ZNF606: variants seen among roughly 807,000 people sequenced by gnomAD.
The protein encoded by ZNF606 is zinc finger protein 328.
Under a neutral mutation model 74.9 loss-of-function variants are expected in ZNF606, and 37 were observed. The observed-to-expected ratio is 0.49, with a 90% confidence interval of 0.38 to 0.65. The LOEUF is 0.65. Among genes scored for constraint, ZNF606 ranks in the 30% least tolerant of loss-of-function variants. The probability of loss-of-function intolerance (pLI) is 0.00; values close to 1 mark genes in which losing one functional copy is unlikely to be tolerated. For missense variants in ZNF606, 852 were observed against 952.9 expected, an observed-to-expected ratio of 0.89 and a Z score of 1.39; for synonymous variants, 328 against 312.4, an observed-to-expected ratio of 1.05 and a Z score of -0.53.
chr19:57,986,322 T>C (rs1600218743), intron 6 of ZNF606, among the ~76,000 whole-genome samples: 1 of 151,928 alleles, frequency 6.6e-6, no homozygotes, highest in South Asian at 2.1e-4. Flanking sequence ...CGTGGTTGTG[T>C]GCACCTATAG....
rs9304808 is a variant in ZNF606 at position 58,002,815 on chromosome 19, T to C, written c.-471A>G. 0.13 allele frequency: 60,221 copies of C among 449,138 alleles called. 4,227 individuals are homozygous for C. Among genetic ancestry groups the C allele is most frequent in the African/African-American group, 0.17 (8,544 of 49,368 alleles). 27.8% of individuals were successfully genotyped at this position (449,138 alleles called of 1,614,324 possible). ...GACAATGGCGGCTGCTTCCCCGGCGTCGACCGGAGCGCGCCGCGGGGTCTG... is the reference window on the plus strand; with the variant it reads ...GACAATGGCGGCTGCTTCCCCGGCGCCGACCGGAGCGCGCCGCGGGGTCTG... On this transcript the variant is annotated 5_prime_UTR_variant, in exon 1 of 7. Transcript: ENST00000551380.
At chr19:57,985,887 T>A (rs1346208902) in intron 6 of ZNF606, among the ~76,000 whole-genome samples, 1 of 151,726 alleles carries the variant, frequency 6.6e-6, no homozygotes, top group Non-Finnish European at 1.5e-5. Context: ...TGAGCCAAGA[T>A]CGCGCCACTG....
At chr19:58,000,851 G>A in intron 2 of ZNF606, 112 bp from the exon 3 acceptor site, 1 of 1,008,058 alleles carries the variant, frequency 9.9e-7, no homozygotes, top group Non-Finnish European at 1.4e-6. Flanking sequence ...CATAAACAGA[G>A]CCCAAGGGTG....
intron 6 of ZNF606, among the ~76,000 whole-genome samples, chr19:57,980,552 A>G (rs1230109326): frequency 1.3e-5 from 2 of 152,190 alleles, no homozygotes; most frequent in East Asian, 3.8e-4. Context: ...TGTGCAAGAA[A>G]GAGGCCGGAC....
chr19:57,991,600 T>G (rs2073262431), intron 4 of ZNF606, among the ~76,000 whole-genome samples: 1 of 152,024 alleles, frequency 6.6e-6, no homozygotes, highest in South Asian at 2.1e-4. Context: ...GCCAAGATGA[T>G]GAAAACCCGT....
chr19:57,986,982 T>C (rs1428863675), intron 6 of ZNF606, among the ~76,000 whole-genome samples: 3 of 151,974 alleles, frequency 2.0e-5, no homozygotes, highest in South Asian at 4.2e-4. Context: ...CCCAGCTACC[T>C]AGGAGGCTGA....
At chr19:58,001,900 CA>C (rs1568586801) in intron 1 of ZNF606, among the ~76,000 whole-genome samples, 4 of 151,970 alleles carry the variant, frequency 2.6e-5, no homozygotes, top group African/African-American at 9.7e-5. Flanking sequence ...ATCCCACCTC[CA>C]AAAAAAATTC....
chr19:58,002,178 G>C (rs1408848652), intron 1 of ZNF606: 1 of 456,778 alleles, frequency 2.2e-6, no homozygotes, highest in South Asian at 1.5e-5. Flanking sequence ...GCATGTTTAA[G>C]GGAACCCGGA....
intron 4 of ZNF606, among the ~76,000 whole-genome samples, chr19:57,992,084 T>C (rs1476349041): frequency 6.6e-6 from 1 of 151,996 alleles, no homozygotes; most frequent in Non-Finnish European, 1.5e-5. Flanking sequence ...AAGACCCCAA[T>C]GGAATCATTA....
chr19:57,999,528 A>T, intron 4 of ZNF606: 1 of 504,586 alleles, frequency 2.0e-6, no homozygotes. Context: ...GAAGGTGGCA[A>T]TAGAGAAGTG....
At position 58,002,712 on chromosome 19, in the gene ZNF606, C is replaced by T. The variant is rs1206799087; in HGVS notation, c.-368G>A. On this transcript the variant is annotated 5_prime_UTR_variant, in exon 1 of 7. Transcript: ENST00000551380. ...GGACCCACCCTGACGCCGCCTCTCC[C>T]AGCCGGCTCTCCTGACCCCCCAAGC... 1 of 451,058 alleles carries T rather than the reference C, an allele frequency of 2.2e-6. No homozygotes were observed. The highest frequency in any genetic ancestry group is 4.4e-6 in the Non-Finnish European group (1 of 225,098). 27.9% of individuals were successfully genotyped at this position (451,058 alleles called of 1,614,324 possible).
intron 4 of ZNF606, among the ~76,000 whole-genome samples, chr19:57,989,749 G>A (rs532820557): frequency 6.6e-6 from 1 of 151,402 alleles, no homozygotes; most frequent in Non-Finnish European, 1.5e-5. Context: ...ACCCAGCTTC[G>A]AGTCCTTTTA....
chr19:58,000,179 T>A, intron 3 of ZNF606: 1 of 491,192 alleles, frequency 2.0e-6, no homozygotes, highest in Non-Finnish European at 3.6e-6. Flanking sequence ...CACACATGAA[T>A]TCTCATGCAT....
intron 4 of ZNF606, among the ~76,000 whole-genome samples, chr19:57,991,263 A>G (rs2073254880): frequency 6.6e-6 from 1 of 152,100 alleles, no homozygotes. Flanking sequence ...TCTTATTTTT[A>G]CCAAGCTCTC....
rs981468487 is a variant in ZNF606 at position 57,977,587 on chromosome 19, G to A, written c.*714C>T. 10 of 152,178 alleles carry A rather than the reference G, an allele frequency of 6.6e-5. No homozygotes were observed. Among genetic ancestry groups the A allele is most frequent in the African/African-American group, 2.4e-4 (10 of 41,442 alleles). The allele number at this position is 152,178 out of a possible 1,614,324, so 9.4% of individuals were successfully genotyped here. A position where few individuals can be genotyped will look rare whatever the true frequency, so the allele number is the denominator to read the frequency against. Reference sequence around the variant, plus strand: ...GCCTAAAACAAATTACAAACTAATTGCCCAACAATGCAGTGATGAGTAACA... The same window carrying A: ...GCCTAAAACAAATTACAAACTAATTACCCAACAATGCAGTGATGAGTAACA... On this transcript the variant is annotated 3_prime_UTR_variant, in exon 7 of 7. Coordinates refer to ENST00000551380, the MANE Select transcript of ZNF606 (RefSeq NM_001348022.3).
chr19:57,980,891 C>A (rs190777665), intron 6 of ZNF606, among the ~76,000 whole-genome samples: 6 of 151,392 alleles, frequency 4.0e-5, no homozygotes, highest in Admixed American at 3.3e-4. Flanking sequence ...GCCTGACGTG[C>A]TCAAACCTTG....
chr19:58,000,402 G>C, intron 3 of ZNF606: 1 of 562,094 alleles, frequency 1.8e-6, no homozygotes. Flanking sequence ...TTTGTATTTT[G>C]TTTTAGTAGA....
At chr19:57,984,865 C>A (rs111280557) in intron 6 of ZNF606, among the ~76,000 whole-genome samples, 109 of 152,178 alleles carry the variant, frequency 7.2e-4, no homozygotes, top group African/African-American at 2.6e-3. Flanking sequence ...GAGGCTGAGG[C>A]GGACGGATCA....
chr19:57,999,995 A>G, intron 3 of ZNF606, 99 bp from the exon 4 acceptor site: 1 of 1,059,824 alleles, frequency 9.4e-7, no homozygotes, highest in South Asian at 1.6e-5. Flanking sequence ...CTCCCCCTTG[A>G]ATGAGGAAAG....
Sources: gnomAD v4.1 joint callset for allele counts (sites outside exome capture counted in the v4.1 genomes callset) on GRCh38, gnomAD v4.1.1 for gene constraint, MANE v1.5 for transcripts, NCBI Gene and HGNC (gene_info 2026-07-23, HGNC 2026-07-21) for gene names.